The following MPPE1 variants were observed in gnomAD, a reference collection of about 807,000 sequenced individuals.
The protein encoded by MPPE1 is metallophosphoesterase 1, also known as metallo phosphoesterase.
In MPPE1, 28 loss-of-function variants were observed where a neutral mutation model predicts 43.8. The observed-to-expected ratio is 0.64, with a 90% CI of 0.47 to 0.88. MPPE1 has a LOEUF of 0.88. Among genes scored for constraint, MPPE1 ranks in the 40% least tolerant of loss-of-function variants. MPPE1 has a pLI of 0.00. For synonymous variants in MPPE1, 159 were observed against 188.5 expected, an observed-to-expected ratio of 0.84 and a Z score of 1.28; for missense variants, 428 against 492.2, an observed-to-expected ratio of 0.87 and a Z score of 1.23.
chr18:11,889,114 G>A (rs1005547783), intron 5 of MPPE1, among the ~76,000 whole-genome samples: 4 of 152,104 alleles, frequency 2.6e-5, no homozygotes, highest in African/African-American at 4.8e-5. Flanking sequence ...TTGGTTTTTC[G>A]TTCCCAAAGA....
intron 2 of MPPE1, 196 bp downstream of exon 2, chr18:11,906,007 T>C (rs1486590565): frequency 6.6e-6 from 1 of 152,182 alleles, no homozygotes; most frequent in Admixed American, 6.6e-5. Context: ...AAATTCAAAA[T>C]TTCTTAAAGT....
Position 11,886,440 on chromosome 18 carries a change from A to G in MPPE1, c.867+59T>C. The G allele has an allele frequency of 6.2e-7, 1 of 1,612,948 alleles. No individual in the cohort carries two copies. Among genetic ancestry groups the G allele is most frequent in the East Asian group, 2.2e-5 (1 of 44,874 alleles). ...TAGCCTGGGCACTCTGCTTGTTGACATGCAAGGTGATGAGAGTCACACTGT... is the reference window on the plus strand; with the variant it reads ...TAGCCTGGGCACTCTGCTTGTTGACGTGCAAGGTGATGAGAGTCACACTGT... On this transcript the variant is annotated intron_variant, in intron 9 of 10. Coordinates refer to ENST00000588072, the MANE Select transcript of MPPE1 (RefSeq NM_023075.6). The surrounding 1 kb of genome is among the most constrained non-coding windows in gnomAD (Gnocchi z 4.1).
At chr18:11,901,326 G>T (rs547504698) in intron 2 of MPPE1, among the ~76,000 whole-genome samples, 1 of 151,850 alleles carries the variant, frequency 6.6e-6, no homozygotes, top group Non-Finnish European at 1.5e-5. Flanking sequence ...CACCTCCTGG[G>T]CTCAAGCAAT....
At chr18:11,899,370 TG>T (rs1301732305) in intron 2 of MPPE1, among the ~76,000 whole-genome samples, 1 of 152,258 alleles carries the variant, frequency 6.6e-6, no homozygotes, top group Non-Finnish European at 1.5e-5. Flanking sequence ...TTCACAAAAA[TG>T]GGTTTCCCCC....
At chr18:11,903,549 G>A (rs991899120) in intron 2 of MPPE1, among the ~76,000 whole-genome samples, 5 of 152,176 alleles carry the variant, frequency 3.3e-5, no homozygotes. Context: ...GCTCACGCCT[G>A]TAATCCCAGC....
In MPPE1 at chr18:11,897,183, C is replaced by T; in HGVS notation, c.82G>A (p.Ala28Thr). ...RKSSLLLKLI[A>T]VVFAVLLFCE... is the part of the protein sequence containing the mutation. Reference sequence around the variant, plus strand: ...AATAGAAGCACAGCAAAGACAACAGCTATGAGTTTCAACAGCAATGAACTC... The same window carrying T: ...AATAGAAGCACAGCAAAGACAACAGTTATGAGTTTCAACAGCAATGAACTC... The change falls in exon 3 of 11, where the codon GCT (alanine) becomes ACT (threonine). Residue 28 changes from alanine to threonine, a missense_variant. Physicochemically the swap from Ala to Thr is moderately conservative, Grantham distance 58. Transcript: ENST00000588072. The T allele has an allele frequency of 8.2e-7, 1 of 1,212,896 alleles. No homozygotes were observed. The allele number at this position is 1,212,896 out of a possible 1,614,324, so 75.1% of individuals were successfully genotyped here. A position where few individuals can be genotyped will look rare whatever the true frequency, so the allele number is the denominator to read the frequency against.
rs2037228792 is a variant in MPPE1, at chr18:11,886,286, A to G, written c.867+213T>C. 1 of 605,880 alleles carries G rather than the reference A, an allele frequency of 1.7e-6. No individual in the cohort carries two copies. The highest frequency in any genetic ancestry group is 1.9e-5 in the African/African-American group (1 of 53,674). 37.5% of individuals were successfully genotyped at this position (605,880 alleles called of 1,614,324 possible). A position where few individuals can be genotyped will look rare whatever the true frequency, so the allele number is the denominator to read the frequency against. ...ACTATTACTGACTTGAGGGTAGGAA[A>G]CAGAAGTAGGTTTACTGGAAAAAAA... On this transcript the variant is annotated intron_variant, in intron 9 of 10. Transcript: ENST00000588072. This position sits in a 1 kb window ranked among gnomAD's most constrained non-coding sequence, Gnocchi z 4.1.
At chr18:11,906,362 T>C (rs2039709586) in intron 1 of MPPE1, 53 bp from the exon 2 acceptor site, 1 of 152,092 alleles carries the variant, frequency 6.6e-6, no homozygotes, top group Admixed American at 6.6e-5. Flanking sequence ...TTTCATTTAG[T>C]TAACTATTAA....
At chr18:11,904,319 A>AT (rs1457952605) in intron 2 of MPPE1, among the ~76,000 whole-genome samples, 1,874 of 79,738 alleles carry the variant, frequency 0.024, 45 homozygotes, top group African/African-American at 0.11. Flanking sequence ...TTATTTATTT[A>AT]TTTATTTTTT....
Position 11,884,616 on chromosome 18 carries a change from C to T in MPPE1, c.1020G>A (p.Thr340=), listed in dbSNP as rs558317965. The change falls in exon 11 of 11, where the codon ACG becomes ACA. Residue 340 remains threonine (T), a synonymous_variant. Transcript: ENST00000588072. ...ACTTGGAGAGGGTGTAGTCTGTGGGCGTGATGCTACCCTGGAAAGGAGAAG... is the reference window on the plus strand; with the variant it reads ...ACTTGGAGAGGGTGTAGTCTGTGGGTGTGATGCTACCCTGGAAAGGAGAAG... ...NNPSFIMGSI[T]PTDYTLSKCY... is the part of the protein sequence containing the mutation. The T allele has an allele frequency of 5.5e-5, 88 of 1,613,292 alleles. No homozygotes were observed. The highest frequency in any genetic ancestry group is 7.0e-5 in the Non-Finnish European group (83 of 1,179,826).
intron 6 of MPPE1, among the ~76,000 whole-genome samples, chr18:11,888,310 G>A (rs916238339): frequency 6.6e-6 from 1 of 152,212 alleles, no homozygotes; most frequent in Non-Finnish European, 1.5e-5. Context: ...TCTTTGTAAC[G>A]TGAAATTAGT....
intron 3 of MPPE1, among the ~76,000 whole-genome samples, chr18:11,896,095 C>CTTTTTTTTTTTTTTTTTTTTTT (rs1178920790): frequency 2.5e-5 from 2 of 80,420 alleles, no homozygotes; most frequent in Non-Finnish European, 4.7e-5. Flanking sequence ...ATTCTTTATT[C>CTTTTTTTTTTTTTTTTTTTTTT]TTTTTTTTTT....
Position 11,889,499 on chromosome 18 carries a change from A to G in MPPE1, c.391-9T>C. The stretch of plus-strand genomic sequence containing the variant: ...ACATCATCCGCCCAGGCCTGAGGGA[A>G]AAAGAATCACTGCTGAGAGCCAGAG... On this transcript the variant is annotated splice_polypyrimidine_tract_variant and intron_variant, in intron 4 of 10. Coordinates refer to ENST00000588072, the MANE Select transcript of MPPE1 (RefSeq NM_023075.6). 1 of 1,602,548 alleles carries G rather than the reference A, an allele frequency of 6.2e-7. No individual in the cohort carries two copies. Among genetic ancestry groups the G allele is most frequent in the Admixed American group, 1.7e-5 (1 of 58,468 alleles).
At chr18:11,893,222 A>G (rs573856509) in intron 4 of MPPE1, 5 of 463,042 alleles carry the variant, frequency 1.1e-5, no homozygotes, top group African/African-American at 2.0e-5. Context: ...TGGCTAATCG[A>G]CATATTTCCT....
chr18:11,883,613 T>C lies in MPPE1; in HGVS notation c.*832A>G, dbSNP rs919788392. 2.0e-5 allele frequency: 3 copies of C among 153,550 alleles called. No homozygotes were observed. The highest frequency in any genetic ancestry group is 1.3e-4 in the Admixed American group (2 of 15,288). The allele number at this position is 153,550 out of a possible 1,614,324, so 9.5% of individuals were successfully genotyped here. On this transcript the variant is annotated 3_prime_UTR_variant, in exon 11 of 11. Coordinates refer to ENST00000588072, the MANE Select transcript of MPPE1 (RefSeq NM_023075.6). The stretch of plus-strand genomic sequence containing the variant: ...TCTCCTATAGAGAAAATTACACTTA[T>C]CTAAAAATCTGATTCCATTAATTGA...
chr18:11,896,095 C>CTTTTTTTTTTTTTTTTTTTTT (rs1178920790), intron 3 of MPPE1, among the ~76,000 whole-genome samples: 2 of 80,422 alleles, frequency 2.5e-5, no homozygotes, highest in African/African-American at 9.4e-5. Flanking sequence ...ATTCTTTATT[C>CTTTTTTTTTTTTTTTTTTTTT]TTTTTTTTTT....
At chr18:11,902,377 G>C (rs1468024620) in intron 2 of MPPE1, 2 of 152,188 alleles carry the variant, frequency 1.3e-5, no homozygotes, top group South Asian at 2.1e-4. Context: ...TAAATAACAG[G>C]TTCCTTAACG....
intron 2 of MPPE1, chr18:11,905,540 T>G (rs1364534568): frequency 6.6e-6 from 1 of 152,112 alleles, no homozygotes; most frequent in African/African-American, 2.4e-5. Context: ...GCACCAGCAT[T>G]AGGTAATGAG....
chr18:11,884,774 C>G, intron 10 of MPPE1, 147 bp from the exon 11 acceptor site: 1 of 1,332,664 alleles, frequency 7.5e-7, no homozygotes. Flanking sequence ...ACCAAGGGGG[C>G]CCAGCCTTCT....
Sources: allele counts gnomAD v4.1 joint callset (sites outside exome capture counted in the v4.1 genomes callset), GRCh38; gene constraint gnomAD v4.1.1; non-coding constraint Gnocchi (gnomAD v3.1); transcripts MANE v1.5; gene names NCBI Gene and HGNC (gene_info 2026-07-23, HGNC 2026-07-21).